FTO: variants seen among roughly 807,000 people sequenced by gnomAD.
FTO encodes the protein FTO alpha-ketoglutarate dependent dioxygenase, also known as alpha-ketoglutarate-dependent dioxygenase FTO.
In FTO, 47 loss-of-function variants were observed where a neutral mutation model predicts 63.9. The observed-to-expected ratio is 0.74, with a 90% CI of 0.58 to 0.94. FTO has a LOEUF of 0.94. Among genes scored for constraint, FTO ranks in the 40% least tolerant of loss-of-function variants. The probability of loss-of-function intolerance (pLI) is 0.00; values close to 1 mark genes in which losing one functional copy is unlikely to be tolerated. For synonymous variants in FTO, 207 were observed against 224.4 expected, an observed-to-expected ratio of 0.92 and a Z score of 0.69; for missense variants, 562 against 618.1, an observed-to-expected ratio of 0.91 and a Z score of 0.96.
At chr16:53,832,695 T>C (rs2079174951) in intron 3 of FTO, among the ~76,000 whole-genome samples, 1 of 152,224 alleles carries the variant, frequency 6.6e-6, no homozygotes, top group Admixed American at 6.5e-5. Context: ...TTGTTATGTA[T>C]ATCAGTAGCT....
chr16:53,725,646 C>T (rs537612496), intron 1 of FTO, among the ~76,000 whole-genome samples: 92 of 152,174 alleles, frequency 6.0e-4, no homozygotes, highest in African/African-American at 2.0e-3. Flanking sequence ...ATTAGTTGAC[C>T]TTTGTTCATA....
chr16:54,006,618 G>A (rs1459360984), intron 8 of FTO, among the ~76,000 whole-genome samples: 1 of 152,120 alleles, frequency 6.6e-6, no homozygotes, highest in Non-Finnish European at 1.5e-5. Flanking sequence ...TGACCCAACT[G>A]GCCCAATTGC....
chr16:53,933,191 C>T (rs1039670121), intron 7 of FTO, among the ~76,000 whole-genome samples: 1 of 152,138 alleles, frequency 6.6e-6, no homozygotes, highest in Non-Finnish European at 1.5e-5. Flanking sequence ...TGGGTATGCT[C>T]TTTAAGTAAA....
chr16:53,808,700 A>C (rs1334611907), intron 1 of FTO, among the ~76,000 whole-genome samples: 1 of 152,198 alleles, frequency 6.6e-6, no homozygotes, highest in Admixed American at 6.5e-5. Context: ...CTTTATAAAG[A>C]CATTGGGCAT....
chr16:53,879,767 A>T, intron 5 of FTO, 77 bp from the exon 6 acceptor site: 1 of 1,546,676 alleles, frequency 6.5e-7, no homozygotes, highest in Non-Finnish European at 8.9e-7. Flanking sequence ...AGGGACAAAT[A>T]TGAACAATCC....
At chr16:53,727,137 G>T (rs923571017) in intron 1 of FTO, among the ~76,000 whole-genome samples, 1 of 152,106 alleles carries the variant, frequency 6.6e-6, no homozygotes, top group Non-Finnish European at 1.5e-5. Flanking sequence ...GGGCCAAGAG[G>T]TTGAATCTGT....
intron 1 of FTO, among the ~76,000 whole-genome samples, chr16:53,720,743 T>G (rs952197949): frequency 2.0e-5 from 3 of 150,944 alleles, no homozygotes; most frequent in Non-Finnish European, 3.0e-5. Flanking sequence ...ACAGTAAATA[T>G]TTGTTGACTG....
At chr16:53,882,152 T>C (rs1167748645) in intron 6 of FTO, among the ~76,000 whole-genome samples, 1 of 152,190 alleles carries the variant, frequency 6.6e-6, no homozygotes, top group African/African-American at 2.4e-5. Flanking sequence ...GACTTTCTTT[T>C]TGATATAATA....
At chr16:53,833,115 C>A (rs188171519) in intron 3 of FTO, among the ~76,000 whole-genome samples, 107 of 152,288 alleles carry the variant, frequency 7.0e-4, no homozygotes, top group African/African-American at 2.1e-3. Flanking sequence ...ATAAGTCTCA[C>A]GAGATCTGGT....
intron 8 of FTO, among the ~76,000 whole-genome samples, chr16:54,084,639 C>A (rs2086221185): frequency 6.6e-6 from 1 of 152,154 alleles, no homozygotes; most frequent in Non-Finnish European, 1.5e-5. Flanking sequence ...TTTTCAGAGC[C>A]ACCAGGTGTA....
At chr16:53,763,029 A>T (rs1360105092) in intron 1 of FTO, among the ~76,000 whole-genome samples, 1 of 152,178 alleles carries the variant, frequency 6.6e-6, no homozygotes, top group African/African-American at 2.4e-5. Context: ...TTATTTTTTC[A>T]TGGGATGCTA....
chr16:54,094,968 G>A (rs186199566), intron 8 of FTO, among the ~76,000 whole-genome samples: 184 of 152,220 alleles, frequency 1.2e-3, no homozygotes, highest in African/African-American at 4.1e-3. Flanking sequence ...TGGCTTCCAA[G>A]AGCTCAGACT....
intron 8 of FTO, among the ~76,000 whole-genome samples, chr16:54,075,833 CAG>C (rs1205422188): frequency 6.6e-6 from 1 of 152,148 alleles, no homozygotes; most frequent in Non-Finnish European, 1.5e-5. Context: ...AGCAGGGCAA[CAG>C]AGTCTTGATG....
At chr16:53,917,051 C>A (rs1428897420) in intron 7 of FTO, among the ~76,000 whole-genome samples, 1 of 152,160 alleles carries the variant, frequency 6.6e-6, no homozygotes, top group African/African-American at 2.4e-5. Context: ...TGTCTGTGAA[C>A]CCTAGTCTGT....
In FTO at chr16:54,080,804, G is replaced by A. The variant is rs182191198; in HGVS notation, c.1365-30958G>A. Reference sequence around the variant, plus strand: ...AAGGGACTGACTCATGTGCAGTTTGGCCTGAAGCATTTGCGTCAGTATTCT... The same window carrying A: ...AAGGGACTGACTCATGTGCAGTTTGACCTGAAGCATTTGCGTCAGTATTCT... On this transcript the variant is annotated intron_variant, in intron 8 of 8. Coordinates refer to ENST00000471389, the MANE Select transcript of FTO (RefSeq NM_001080432.3). Among the ~76,000 whole-genome samples, 6 of 152,266 alleles carry A rather than the reference G, an allele frequency of 3.9e-5. No individual in the cohort carries two copies. In the East Asian group the frequency reaches 1.2e-3, roughly 29 times the overall value.
At chr16:53,735,916 T>C (rs745355297) in intron 1 of FTO, among the ~76,000 whole-genome samples, 3 of 152,204 alleles carry the variant, frequency 2.0e-5, no homozygotes, top group Non-Finnish European at 4.4e-5. Flanking sequence ...AGCTCTAAAA[T>C]CTGACCCTTC....
At chr16:53,868,398 A>T (rs973841130) in intron 4 of FTO, among the ~76,000 whole-genome samples, 2 of 152,112 alleles carry the variant, frequency 1.3e-5, no homozygotes, top group Admixed American at 6.5e-5. Flanking sequence ...TGCAGTATAC[A>T]TTTACAGCTG....
intron 8 of FTO, among the ~76,000 whole-genome samples, chr16:54,094,787 C>T (rs1397843306): frequency 1.3e-5 from 2 of 152,122 alleles, no homozygotes; most frequent in African/African-American, 2.4e-5. Flanking sequence ...CTTCATCAAA[C>T]GAATACTGTG....
chr16:53,706,563 A>C (rs2075626372), intron 1 of FTO, among the ~76,000 whole-genome samples: 1 of 152,008 alleles, frequency 6.6e-6, no homozygotes, highest in South Asian at 2.1e-4. Flanking sequence ...ATTCAGCGTA[A>C]TGATTTTTTT....
Sources: allele counts gnomAD v4.1 joint callset (sites outside exome capture counted in the v4.1 genomes callset), GRCh38; gene constraint gnomAD v4.1.1; transcripts MANE v1.5; gene names NCBI Gene and HGNC (gene_info 2026-07-23, HGNC 2026-07-21).